The following STK33 variants were observed in gnomAD, a reference collection of about 807,000 sequenced individuals.
STK33 encodes serine/threonine-protein kinase 33.
In STK33, 52 loss-of-function variants were observed where a neutral mutation model predicts 58.0. The observed-to-expected ratio is 0.90, with a 90% CI of 0.72 to 1.13. The LOEUF (loss-of-function observed/expected upper bound fraction) is 1.13. Among genes scored for constraint, STK33 ranks in the 50% most tolerant of loss-of-function variants. The pLI is 0.00. For synonymous variants in STK33, 215 were observed against 200.1 expected (o/e 1.07, Z -0.63); for missense variants, 630 against 604.2 (o/e 1.04, Z -0.45).
the STK33 span, among the ~76,000 whole-genome samples, chr11:8,367,140 CTAAA>C: frequency 6.6e-6 from 1 of 152,236 alleles, no homozygotes; most frequent in Non-Finnish European, 1.5e-5. Context: ...GAACAAAGTA[CTAAA>C]TGTGTACAAA....
chr11:8,516,286 C>T (rs1952774781), intron 1 of STK33, among the ~76,000 whole-genome samples: 1 of 152,284 alleles, frequency 6.6e-6, no homozygotes, highest in African/African-American at 2.4e-5. Context: ...AACAAAGATG[C>T]TAAGAATACA....
chr11:8,572,491 C>G (rs1452972657), intron 1 of STK33, among the ~76,000 whole-genome samples: 1 of 152,076 alleles, frequency 6.6e-6, no homozygotes, highest in Non-Finnish European at 1.5e-5. Flanking sequence ...AATGATACAA[C>G]TAGCAGACAA....
At chr11:8,494,858 T>A (rs1168331335) in intron 1 of STK33, among the ~76,000 whole-genome samples, 1 of 152,220 alleles carries the variant, frequency 6.6e-6, no homozygotes, top group Non-Finnish European at 1.5e-5. Flanking sequence ...GATTCCCTAT[T>A]TAATAAATGG....
intron 1 of STK33, among the ~76,000 whole-genome samples, chr11:8,583,993 A>T (rs1202225391): frequency 6.6e-6 from 1 of 152,174 alleles, no homozygotes. Context: ...GGCTGAGCTC[A>T]AAAAGCTAAA....
chr11:8,566,109 T>C (rs1367345021), intron 1 of STK33, among the ~76,000 whole-genome samples: 2 of 152,234 alleles, frequency 1.3e-5, no homozygotes, highest in Non-Finnish European at 2.9e-5. Flanking sequence ...CTCAGGACCA[T>C]GCTAGACTCT....
At chr11:8,537,725 G>T (rs1361659032) in intron 1 of STK33, among the ~76,000 whole-genome samples, 1 of 151,356 alleles carries the variant, frequency 6.6e-6, no homozygotes, top group Non-Finnish European at 1.5e-5. Context: ...CAATATGGGA[G>T]GCTGAACCAG....
the STK33 span, among the ~76,000 whole-genome samples, chr11:8,365,663 C>G: frequency 6.6e-6 from 1 of 152,220 alleles, no homozygotes; most frequent in Non-Finnish European, 1.5e-5. Flanking sequence ...TCCAGCCCAG[C>G]TCCCGGCTGC....
intron 14 of STK33, among the ~76,000 whole-genome samples, chr11:8,421,691 T>C (rs1490602948): frequency 6.6e-6 from 1 of 152,210 alleles, no homozygotes; most frequent in Non-Finnish European, 1.5e-5. Flanking sequence ...ATATTAAGTC[T>C]CCTGACACAT....
chr11:8,566,229 T>A (rs1158331675), intron 1 of STK33, among the ~76,000 whole-genome samples: 3 of 152,238 alleles, frequency 2.0e-5, no homozygotes, highest in Non-Finnish European at 4.4e-5. Context: ...AAATGCAGCT[T>A]CTAAATAGAC....
At chr11:8,531,727 A>C (rs1277185661) in intron 1 of STK33, among the ~76,000 whole-genome samples, 3 of 152,244 alleles carry the variant, frequency 2.0e-5, no homozygotes, top group African/African-American at 7.2e-5. Flanking sequence ...GGAAGTCAGC[A>C]TCACTTCTGC....
At chr11:8,518,461 C>T (rs1953034890) in intron 1 of STK33, among the ~76,000 whole-genome samples, 2 of 152,166 alleles carry the variant, frequency 1.3e-5, no homozygotes, top group African/African-American at 2.4e-5. Flanking sequence ...CAGCTAACAT[C>T]ATAATGACAG....
chr11:8,495,280 G>T (rs879560106), intron 1 of STK33, among the ~76,000 whole-genome samples: 20 of 152,016 alleles, frequency 1.3e-4, no homozygotes, highest in Non-Finnish European at 2.8e-4. Context: ...TCAAAAAGTG[G>T]GCAAAGGATA....
At chr11:8,473,069 C>A (rs986222495) in intron 6 of STK33, 94 bp downstream of exon 6, 4 of 744,602 alleles carry the variant, frequency 5.4e-6, no homozygotes, top group African/African-American at 1.8e-5. Context: ...TACTTCCTTT[C>A]CTTAGAGATT....
intron 1 of STK33, among the ~76,000 whole-genome samples, chr11:8,567,612 G>A (rs1429065421): frequency 3.3e-5 from 5 of 152,134 alleles, no homozygotes; most frequent in Admixed American, 6.5e-5. Flanking sequence ...ACAGAGGAAC[G>A]GGGAAAATCA....
intron 1 of STK33, among the ~76,000 whole-genome samples, chr11:8,591,125 A>G (rs1281817427): frequency 6.6e-6 from 1 of 152,220 alleles, no homozygotes; most frequent in Non-Finnish European, 1.5e-5. Flanking sequence ...AATGGTTGAA[A>G]CAGCCATCAG....
the STK33 span, among the ~76,000 whole-genome samples, chr11:8,382,957 T>G: frequency 1.3e-5 from 2 of 152,024 alleles, no homozygotes; most frequent in African/African-American, 4.8e-5. Flanking sequence ...TCACTGAAAG[T>G]CCACCACAAG....
intron 1 of STK33, among the ~76,000 whole-genome samples, chr11:8,543,797 C>T (rs1955700865): frequency 6.6e-6 from 1 of 152,014 alleles, no homozygotes; most frequent in Non-Finnish European, 1.5e-5. Context: ...GGGATGGATA[C>T]CCCATTCTCC....
intron 1 of STK33, among the ~76,000 whole-genome samples, chr11:8,499,679 C>T (rs1390151079): frequency 6.6e-6 from 1 of 152,150 alleles, no homozygotes; most frequent in African/African-American, 2.4e-5. Context: ...GCCAAATATC[C>T]ATCAATGACA....
At chr11:8,375,676 A>C in the STK33 span, among the ~76,000 whole-genome samples, 1 of 152,066 alleles carries the variant, frequency 6.6e-6, no homozygotes, top group Non-Finnish European at 1.5e-5. Context: ...GGTTTCCCCC[A>C]TGCTGTTTTC....
Sources: allele counts gnomAD v4.1 joint callset (sites outside exome capture counted in the v4.1 genomes callset), GRCh38; gene constraint gnomAD v4.1.1; transcripts MANE v1.5; gene names NCBI Gene and HGNC (gene_info 2026-07-23, HGNC 2026-07-21).